The following PARD3 variants were observed in gnomAD, a reference collection of about 807,000 sequenced individuals.
The protein encoded by PARD3 is partitioning defective 3 homolog.
Under a neutral mutation model 155.4 loss-of-function variants are expected in PARD3, and 75 were observed. The observed-to-expected ratio is 0.48, with a 90% CI of 0.40 to 0.58. The LOEUF is 0.58. Among genes scored for constraint, PARD3 ranks in the 20% least tolerant of loss-of-function variants. The probability of loss-of-function intolerance (pLI) is 0.00; values close to 1 mark genes in which losing one functional copy is unlikely to be tolerated. For missense variants in PARD3, 1,642 were observed against 1,721.7 expected, an observed-to-expected ratio of 0.95 and a Z score of 0.82; for synonymous variants, 576 against 610.5, an observed-to-expected ratio of 0.94 and a Z score of 0.83.
intron 2 of PARD3, among the ~76,000 whole-genome samples, chr10:34,660,016 AATTT>A (rs1276926398): frequency 6.6e-6 from 1 of 152,212 alleles, no homozygotes; most frequent in East Asian, 1.9e-4. Flanking sequence ...AATCTCTCAG[AATTT>A]ATTTAACTTT....
At chr10:34,793,132 GC>G (rs1243635589) in intron 1 of PARD3, among the ~76,000 whole-genome samples, 1 of 152,212 alleles carries the variant, frequency 6.6e-6, no homozygotes, top group African/African-American at 2.4e-5. Flanking sequence ...CACCTGGGGA[GC>G]CGGGGGGCCG....
intron 21 of PARD3, among the ~76,000 whole-genome samples, chr10:34,274,746 G>T (rs1252187530): frequency 6.6e-6 from 1 of 152,088 alleles, no homozygotes; most frequent in Non-Finnish European, 1.5e-5. Flanking sequence ...ATTTATTAAT[G>T]ACTAAACTCT....
At chr10:34,672,949 C>T (rs1238836296) in intron 2 of PARD3, among the ~76,000 whole-genome samples, 1 of 152,176 alleles carries the variant, frequency 6.6e-6, no homozygotes, top group African/African-American at 2.4e-5. Flanking sequence ...CTGTATTCAG[C>T]AGTCTTTTTT....
At chr10:34,728,496 C>T (rs1238298344) in intron 1 of PARD3, among the ~76,000 whole-genome samples, 7 of 152,070 alleles carry the variant, frequency 4.6e-5, no homozygotes, top group African/African-American at 1.7e-4. Context: ...TGAAATGTGC[C>T]CTAACAGATG....
intron 22 of PARD3, among the ~76,000 whole-genome samples, chr10:34,190,687 C>A (rs1380783777): frequency 6.6e-6 from 1 of 152,124 alleles, no homozygotes; most frequent in African/African-American, 2.4e-5. Context: ...GGAAACAACT[C>A]TTCAGTGTAC....
chr10:34,342,729 A>G (rs1836964695), intron 15 of PARD3, among the ~76,000 whole-genome samples: 2 of 152,190 alleles, frequency 1.3e-5, no homozygotes, highest in South Asian at 2.1e-4. Context: ...ATTTCAGCAA[A>G]GGAGAAAAAT....
At chr10:34,222,222 C>T (rs529466523) in intron 22 of PARD3, among the ~76,000 whole-genome samples, 2 of 152,260 alleles carry the variant, frequency 1.3e-5, no homozygotes, top group Admixed American at 6.5e-5. Flanking sequence ...TTTTCTTGCG[C>T]TCTGAATAAG....
chr10:34,552,698 G>GA (rs2084682343), intron 2 of PARD3, among the ~76,000 whole-genome samples: 1 of 137,748 alleles, frequency 7.3e-6, no homozygotes, highest in Non-Finnish European at 1.5e-5. Flanking sequence ...TGGGCAACAA[G>GA]AACAAAACTC....
At chr10:34,380,860 A>C (rs1362817032) in intron 9 of PARD3, among the ~76,000 whole-genome samples, 1 of 152,186 alleles carries the variant, frequency 6.6e-6, no homozygotes, top group Non-Finnish European at 1.5e-5. Flanking sequence ...ATCAAGCAGA[A>C]TTTTATTTTT....
chr10:34,265,511 A>G lies in PARD3; in HGVS notation c.3419+4146T>C, dbSNP rs1159830813. On this transcript the variant is annotated intron_variant, in intron 22 of 24. Coordinates refer to ENST00000374788, the MANE Select transcript of PARD3 (RefSeq NM_001184785.2). ...ACACATCAGACTGTCAACTGCCTGC[A>G]TTCCCATGAAATCCAAAAATTTGAA... Among the ~76,000 whole-genome samples, 3 of 152,342 alleles carry G rather than the reference A, an allele frequency of 2.0e-5. No homozygotes were observed. The East Asian group carries it at 5.8e-4, about 29-fold the overall frequency.
intron 22 of PARD3, among the ~76,000 whole-genome samples, chr10:34,247,957 T>C (rs546691532): frequency 1.3e-5 from 2 of 152,334 alleles, no homozygotes; most frequent in African/African-American, 4.8e-5. Flanking sequence ...TTTGTACTGA[T>C]AAGTAACTGA....
At chr10:34,489,029 G>T (rs1485952143) in intron 3 of PARD3, among the ~76,000 whole-genome samples, 1 of 152,154 alleles carries the variant, frequency 6.6e-6, no homozygotes, top group African/African-American at 2.4e-5. Context: ...GGTTTACAAA[G>T]TCTTTCTTCC....
chr10:34,576,522 A>G (rs1010898570), intron 2 of PARD3, among the ~76,000 whole-genome samples: 1 of 152,222 alleles, frequency 6.6e-6, no homozygotes, highest in Non-Finnish European at 1.5e-5. Flanking sequence ...AAAGAAAAAA[A>G]AAAGACAAAA....
At chr10:34,617,064 G>T (rs2091306473) in intron 2 of PARD3, among the ~76,000 whole-genome samples, 1 of 151,810 alleles carries the variant, frequency 6.6e-6, no homozygotes, top group African/African-American at 2.4e-5. Flanking sequence ...AACCAGCCTG[G>T]CCAACAAGGT....
At chr10:34,724,331 T>C (rs1298972231) in intron 1 of PARD3, among the ~76,000 whole-genome samples, 1 of 152,312 alleles carries the variant, frequency 6.6e-6, no homozygotes, top group African/African-American at 2.4e-5. Context: ...TAAAAGCTTA[T>C]ACAAGCACCT....
At chr10:34,681,748 ATATATATATATATATATATATTT>A (rs1489444205) in intron 2 of PARD3, among the ~76,000 whole-genome samples, 2 of 15,906 alleles carry the variant, frequency 1.3e-4, no homozygotes, top group Non-Finnish European at 2.2e-4. Flanking sequence ...ATATATATAT[ATATATATATATATATATATATTT>A]TTTTTTTTTT....
chr10:34,691,867 T>C (rs914162016), intron 2 of PARD3, among the ~76,000 whole-genome samples: 2 of 152,202 alleles, frequency 1.3e-5, no homozygotes, highest in African/African-American at 4.8e-5. Flanking sequence ...ATTCAATAAA[T>C]GGTGCTGGGA....
intron 1 of PARD3, among the ~76,000 whole-genome samples, chr10:34,711,964 T>C (rs1331708385): frequency 6.6e-6 from 1 of 152,158 alleles, no homozygotes; most frequent in Non-Finnish European, 1.5e-5. Flanking sequence ...TCCCTTGCAA[T>C]GAAAACGAAC....
At chr10:34,444,884 TA>T (rs2132702378) in intron 5 of PARD3, among the ~76,000 whole-genome samples, 1 of 152,244 alleles carries the variant, frequency 6.6e-6, no homozygotes, top group East Asian at 1.9e-4. Flanking sequence ...GATAAGGTCA[TA>T]ACTGCCTTCA....
Sources: allele counts gnomAD v4.1 joint callset (sites outside exome capture counted in the v4.1 genomes callset), GRCh38; gene constraint gnomAD v4.1.1; transcripts MANE v1.5; gene names NCBI Gene and HGNC (gene_info 2026-07-23, HGNC 2026-07-21).